NCALD: variants seen among roughly 807,000 people sequenced by gnomAD.
The protein encoded by NCALD is neurocalcin delta, also known as neurocalcin-delta.
A neutral mutation model predicts 18.6 loss-of-function variants in NCALD; 10 were observed. The observed-to-expected ratio is 0.54, with a 90% CI of 0.33 to 0.91. NCALD has a LOEUF of 0.91. NCALD is among the 40% of genes least tolerant of loss of function. NCALD has a pLI of 0.03. For synonymous variants in NCALD, 88 were observed against 87.4 expected (o/e 1.01, Z -0.04); for missense variants, 184 against 247.6 (o/e 0.74, Z 1.72).
In NCALD at chr8:101,913,731, C is replaced by T. The variant is rs552892519; in HGVS notation, c.-107+2078G>A. 2.0e-5 allele frequency among the ~76,000 whole-genome samples: 3 copies of T among 152,206 alleles called. No individual in the cohort carries two copies. In the South Asian group the frequency reaches 6.2e-4, roughly 32 times the overall value. On this transcript the variant is annotated intron_variant, in intron 3 of 6. Coordinates refer to the NCALD transcript ENST00000311028. ...CTGAGTAGCTGGGATTACAGGCATGCACCACCACGCCCAGCTAATTTTGTA... is the reference window on the plus strand; with the variant it reads ...CTGAGTAGCTGGGATTACAGGCATGTACCACCACGCCCAGCTAATTTTGTA...
intron 4 of NCALD, among the ~76,000 whole-genome samples, chr8:101,846,843 C>A (rs1402588350): frequency 1.3e-5 from 2 of 152,150 alleles, no homozygotes; most frequent in Non-Finnish European, 2.9e-5. Context: ...GGTCTGGGAC[C>A]ACATTTTGAG....
chr8:101,754,896 A>G (rs1177986622), intron 1 of NCALD, among the ~76,000 whole-genome samples: 1 of 152,232 alleles, frequency 6.6e-6, no homozygotes, highest in East Asian at 1.9e-4. Context: ...GGATGAATCA[A>G]TCAGTCAAAA....
intron 1 of NCALD, among the ~76,000 whole-genome samples, chr8:101,774,428 C>G (rs1457318126): frequency 6.6e-6 from 1 of 151,868 alleles, no homozygotes; most frequent in Non-Finnish European, 1.5e-5. Flanking sequence ...AATTTATTAC[C>G]CTTGAGGAGA....
At chr8:101,839,911 G>T (rs1000921077) in intron 4 of NCALD, among the ~76,000 whole-genome samples, 1 of 152,054 alleles carries the variant, frequency 6.6e-6, no homozygotes, top group African/African-American at 2.4e-5. Flanking sequence ...GCTCCCTGTG[G>T]CATTAGCTGT....
chr8:102,017,309 A>G (rs1368233707), intron 2 of NCALD, among the ~76,000 whole-genome samples: 1 of 152,174 alleles, frequency 6.6e-6, no homozygotes. Context: ...TTACCTCAAA[A>G]TGGATCATAA....
chr8:101,762,912 C>T (rs1322619366), intron 1 of NCALD, among the ~76,000 whole-genome samples: 1 of 152,184 alleles, frequency 6.6e-6, no homozygotes, highest in African/African-American at 2.4e-5. Context: ...AGATGCTCAA[C>T]TGAAGAAACT....
At chr8:101,710,582 G>A (rs1317316385) in intron 2 of NCALD, among the ~76,000 whole-genome samples, 1 of 152,218 alleles carries the variant, frequency 6.6e-6, no homozygotes, top group Admixed American at 6.5e-5. Flanking sequence ...GGTGCAGGGA[G>A]GGGCGTCTGC....
At chr8:102,040,471 C>CAAAA (rs60568830) in intron 1 of NCALD, among the ~76,000 whole-genome samples, 4,348 of 135,598 alleles carry the variant, frequency 0.032, 216 homozygotes, top group African/African-American at 0.12. Flanking sequence ...GAGAATCCAT[C>CAAAA]AAAAAAAAAA....
At chr8:101,927,034 C>T (rs1455369270) in intron 2 of NCALD, among the ~76,000 whole-genome samples, 4 of 152,158 alleles carry the variant, frequency 2.6e-5, no homozygotes, top group Non-Finnish European at 4.4e-5. Flanking sequence ...CCTGTTCTCC[C>T]GTGGCTTCCT....
intron 1 of NCALD, among the ~76,000 whole-genome samples, chr8:101,776,467 T>A (rs998153445): frequency 3.3e-5 from 5 of 152,126 alleles, no homozygotes; most frequent in African/African-American, 1.2e-4. Context: ...ATTTTTTTTT[T>A]AATATTAAGT....
intron 3 of NCALD, among the ~76,000 whole-genome samples, chr8:101,901,546 C>A (rs544587328): frequency 6.6e-6 from 1 of 151,802 alleles, no homozygotes; most frequent in East Asian, 1.9e-4. Flanking sequence ...TCAATGGTTG[C>A]TCTCCTTATT....
At position 101,702,792 on chromosome 8, in the gene NCALD, T is replaced by C. The variant is rs79036344; in HGVS notation, c.379-9896A>G. On this transcript the variant is annotated intron_variant, in intron 2 of 3. Transcript: ENST00000220931. ...GAAACAAACGCTGAACAATCACACA[T>C]TGACGATGCTATAAAGGTGTCTCCC... Among the ~76,000 whole-genome samples, 125 of 152,356 alleles carry C rather than the reference T, an allele frequency of 8.2e-4. No individual in the cohort carries two copies. The East Asian group carries it at 0.021, about 25-fold the overall frequency.
At chr8:102,029,150 C>T (rs1822571319) in intron 1 of NCALD, 1 of 152,064 alleles carries the variant, frequency 6.6e-6, no homozygotes, top group Non-Finnish European at 1.5e-5. Flanking sequence ...ACTGTGTGAG[C>T]AAAGACCAAA....
At chr8:101,699,841 T>C (rs1229401051) in intron 2 of NCALD, among the ~76,000 whole-genome samples, 2 of 152,074 alleles carry the variant, frequency 1.3e-5, no homozygotes, top group African/African-American at 2.4e-5. Flanking sequence ...GATGGGTTGA[T>C]AGGTGCAGCA....
At chr8:101,825,807 C>G (rs1033050109) in intron 4 of NCALD, among the ~76,000 whole-genome samples, 2 of 152,208 alleles carry the variant, frequency 1.3e-5, no homozygotes, top group African/African-American at 4.8e-5. Flanking sequence ...AAGCACTCAA[C>G]TCTGCCACTG....
chr8:101,937,781 T>C (rs762172722), intron 2 of NCALD, among the ~76,000 whole-genome samples: 47 of 152,278 alleles, frequency 3.1e-4, no homozygotes, highest in Non-Finnish European at 6.0e-4. Context: ...GCATGGTTTC[T>C]GCCCTCATGG....
intron 1 of NCALD, among the ~76,000 whole-genome samples, chr8:102,027,048 G>A (rs1488577246): frequency 6.6e-6 from 1 of 152,222 alleles, no homozygotes; most frequent in Non-Finnish European, 1.5e-5. Flanking sequence ...GCTGCACAGG[G>A]CAGGGAGGCC....
At chr8:101,926,118 C>T (rs992148991) in intron 2 of NCALD, among the ~76,000 whole-genome samples, 14 of 152,178 alleles carry the variant, frequency 9.2e-5, no homozygotes, top group Non-Finnish European at 1.6e-4. Context: ...TGCAGTCTGT[C>T]TGATTCTCCC....
At position 102,106,794 on chromosome 8, in the gene NCALD, G is replaced by C. The variant is rs1825470430; in HGVS notation, c.-210+17443C>G. On this transcript the variant is annotated intron_variant, in intron 1 of 6. Coordinates refer to the NCALD transcript ENST00000311028. ...CATGCACTCTGCAAAAAAATGCAGA[G>C]GTTGTGGAATTAGGAGAGTTTCTAT... 2.0e-5 allele frequency among the ~76,000 whole-genome samples: 3 copies of C among 152,270 alleles called. No homozygotes were observed. The East Asian group carries it at 5.8e-4, about 29-fold the overall frequency.
Sources: gnomAD v4.1 joint callset for allele counts (sites outside exome capture counted in the v4.1 genomes callset) on GRCh38, gnomAD v4.1.1 for gene constraint, MANE v1.5 for transcripts, NCBI Gene and HGNC (gene_info 2026-07-23, HGNC 2026-07-21) for gene names.